FAM168A: variants seen among roughly 807,000 people sequenced by gnomAD.
FAM168A encodes the protein family with sequence similarity 168 member A.
Under a neutral mutation model 28.5 loss-of-function variants are expected in FAM168A, and 3 were observed. The observed-to-expected ratio is 0.11, with a 90% CI of 0.05 to 0.27. FAM168A has a LOEUF of 0.27. Ranked by LOEUF, FAM168A falls within the 10% of genes least tolerant of loss-of-function variation. The probability of loss-of-function intolerance (pLI) is 1.00; values close to 1 mark genes in which losing one functional copy is unlikely to be tolerated. For missense variants in FAM168A, 222 were observed against 311.5 expected (o/e 0.71, Z 2.16); for synonymous variants, 122 against 124.2 (o/e 0.98, Z 0.12).
At chr11:73,522,919 A>G (rs562478021) in intron 1 of FAM168A, among the ~76,000 whole-genome samples, 2 of 152,068 alleles carry the variant, frequency 1.3e-5, no homozygotes, top group Non-Finnish European at 2.9e-5. Context: ...AGGCTGAGGC[A>G]GGAGAATTGC....
intron 1 of FAM168A, among the ~76,000 whole-genome samples, chr11:73,470,201 C>T (rs973046876): frequency 2.0e-5 from 3 of 152,148 alleles, no homozygotes; most frequent in Non-Finnish European, 2.9e-5. Flanking sequence ...TGAGCCACCG[C>T]GCCTGGCCGA....
intron 1 of FAM168A, among the ~76,000 whole-genome samples, chr11:73,498,403 A>T (rs1854937952): frequency 6.6e-6 from 1 of 152,154 alleles, no homozygotes; most frequent in Non-Finnish European, 1.5e-5. Context: ...TCAACTTTGC[A>T]ACCCACGGAT....
intron 2 of FAM168A, among the ~76,000 whole-genome samples, chr11:73,456,076 T>C (rs1234532892): frequency 6.6e-6 from 1 of 152,226 alleles, no homozygotes; most frequent in Non-Finnish European, 1.5e-5. Context: ...TTTTAACTGA[T>C]CAATTTTTTA....
intron 2 of FAM168A, among the ~76,000 whole-genome samples, chr11:73,454,590 G>A (rs983443915): frequency 6.6e-6 from 1 of 151,620 alleles, no homozygotes; most frequent in African/African-American, 2.4e-5. Flanking sequence ...CTGAAACCGC[G>A]GCCCAAAGTG....
chr11:73,443,653 G>C (rs141243966), intron 2 of FAM168A, among the ~76,000 whole-genome samples: 1,580 of 152,278 alleles, frequency 0.01, 28 homozygotes, highest in African/African-American at 0.036. Context: ...ACAACCTGTA[G>C]TGTTATGCAA....
At chr11:73,576,953 TA>T (rs11336010) in intron 1 of FAM168A, among the ~76,000 whole-genome samples, 45,337 of 144,470 alleles carry the variant, frequency 0.31, 8,647 homozygotes, top group African/African-American at 0.57. Flanking sequence ...TCCCATTATT[TA>T]AAAAAAAAAA....
Position 73,401,173 on chromosome 11 carries a change from C to A in FAM168A, c.*5590G>T, listed in dbSNP as rs1866400516. 4 of 151,378 alleles carry A rather than the reference C, an allele frequency of 2.6e-5. No homozygotes were observed. 9.4% of individuals were successfully genotyped at this position (151,378 alleles called of 1,614,324 possible). ...TAAAATTTAAAAATTAGATTCCAAC[C>A]TGTAGATTAAAATGAATTAAAAAAT... On this transcript the variant is annotated 3_prime_UTR_variant, in exon 8 of 8. Transcript: ENST00000356467.
At chr11:73,534,586 A>G (rs1943553653) in intron 1 of FAM168A, among the ~76,000 whole-genome samples, 1 of 152,028 alleles carries the variant, frequency 6.6e-6, no homozygotes. Context: ...TATTTTTAGT[A>G]GAGACGGGGT....
chr11:73,483,982 A>G (rs2134597488), intron 1 of FAM168A, among the ~76,000 whole-genome samples: 1 of 152,362 alleles, frequency 6.6e-6, no homozygotes, highest in Middle Eastern at 3.4e-3. Context: ...AATAATTCAG[A>G]GCCAAACAGG....
rs1866470517 is a variant in FAM168A at position 73,404,635 on chromosome 11, A to T, written c.*2128T>A. ...AGAACAGATAATTTAGAACAGCTGA[A>T]TTTTTTCTTACTGGTCCTAAAGTTC... On this transcript the variant is annotated 3_prime_UTR_variant, in exon 8 of 8. Transcript: ENST00000356467. 1 of 152,116 alleles carries T rather than the reference A, an allele frequency of 6.6e-6. No individual in the cohort carries two copies. The highest frequency in any genetic ancestry group is 1.5e-5 in the Non-Finnish European group (1 of 68,018). The allele number at this position is 152,116 out of a possible 1,614,324, so 9.4% of individuals were successfully genotyped here. A position where few individuals can be genotyped will look rare whatever the true frequency, so the allele number is the denominator to read the frequency against.
In FAM168A at chr11:73,513,192, GT is replaced by G. The variant is rs1222368529; in HGVS notation, c.-18-44701del. ...TGTCTCACTTCCAGGTCAAAGTTTT[GT>G]TTTTTTTTTTAATTTTTTTTTTTTT... On this transcript the variant is annotated intron_variant, in intron 1 of 7. Transcript: ENST00000356467. Among the ~76,000 whole-genome samples, 30 of 113,644 alleles carry G rather than the reference GT, an allele frequency of 2.6e-4. No individual in the cohort carries two copies. The East Asian group carries it at 5.2e-3, about 20-fold the overall frequency. 74.6% of individuals were successfully genotyped at this position (113,644 alleles called of 152,430 possible). A position where few individuals can be genotyped will look rare whatever the true frequency, so the allele number is the denominator to read the frequency against.
At chr11:73,542,910 T>C (rs116607716) in intron 1 of FAM168A, among the ~76,000 whole-genome samples, 2,120 of 152,212 alleles carry the variant, frequency 0.014, 33 homozygotes, top group African/African-American at 0.041. Flanking sequence ...ATTCTCCTCT[T>C]CTCGTTATTC....
chr11:73,502,074 T>C (rs1195800879), intron 1 of FAM168A, among the ~76,000 whole-genome samples: 4 of 148,496 alleles, frequency 2.7e-5, no homozygotes, highest in Non-Finnish European at 3.0e-5. Context: ...GCACTCCAGC[T>C]TGGGCGACAG....
At chr11:73,428,152 A>G (rs1279299801) in intron 3 of FAM168A, among the ~76,000 whole-genome samples, 2 of 152,000 alleles carry the variant, frequency 1.3e-5, no homozygotes, top group Non-Finnish European at 2.9e-5. Flanking sequence ...CAACTTCCCA[A>G]ACCAAAGAAG....
intron 1 of FAM168A, among the ~76,000 whole-genome samples, chr11:73,531,802 CTTTT>C (rs35314829): frequency 1.7e-3 from 208 of 121,782 alleles, no homozygotes; most frequent in African/African-American, 6.7e-3. Context: ...CCAAGTATCA[CTTTT>C]TTTTTTTTTT....
At chr11:73,488,429 C>T in intron 1 of FAM168A, among the ~76,000 whole-genome samples, 1 of 152,156 alleles carries the variant, frequency 6.6e-6, no homozygotes, top group East Asian at 1.9e-4. Flanking sequence ...CTGTGCCCAG[C>T]CTCATGTCGG....
chr11:73,427,210 C>G (rs1043022289), intron 3 of FAM168A, among the ~76,000 whole-genome samples: 4 of 151,966 alleles, frequency 2.6e-5, no homozygotes, highest in African/African-American at 7.3e-5. Flanking sequence ...CCAGGATGGT[C>G]TCTATCTCCT....
intron 1 of FAM168A, among the ~76,000 whole-genome samples, chr11:73,495,267 T>G (rs1333049144): frequency 6.6e-6 from 1 of 151,774 alleles, no homozygotes; most frequent in Non-Finnish European, 1.5e-5. Context: ...AGGCAGAGCT[T>G]GCAGTGAGCC....
chr11:73,430,272 C>T (rs1233415987), intron 3 of FAM168A: 1 of 165,908 alleles, frequency 6.0e-6, no homozygotes, highest in African/African-American at 3.3e-5. Flanking sequence ...GTGTGTGTGT[C>T]CCAAGGTGTG....
Sources: allele counts gnomAD v4.1 joint callset (sites outside exome capture counted in the v4.1 genomes callset), GRCh38; gene constraint gnomAD v4.1.1; transcripts MANE v1.5; gene names NCBI Gene and HGNC (gene_info 2026-07-23, HGNC 2026-07-21).